The following LRP1B variants were observed in gnomAD, a reference collection of about 807,000 sequenced individuals.
LRP1B encodes the protein LDL receptor related protein 1B.
LRP1B carries 217 observed loss-of-function variants against 556.6 expected under a neutral mutation model. The ratio of observed to expected loss-of-function variants is 0.39; its 90% CI spans 0.35 to 0.44. The LOEUF (loss-of-function observed/expected upper bound fraction) is 0.44. Ranked by LOEUF, LRP1B falls within the 20% of genes least tolerant of loss-of-function variation. The pLI, the probability that LRP1B is intolerant of heterozygous loss-of-function variation, is 1.00. For missense variants in LRP1B, 5,053 were observed against 5,620.8 expected (o/e 0.90, Z 3.23); for synonymous variants, 2,047 against 1,865.8 (o/e 1.10, Z -2.50).
chr2:141,733,564 C>T (rs985788176), intron 2 of LRP1B, among the ~76,000 whole-genome samples: 4 of 152,194 alleles, frequency 2.6e-5, no homozygotes, highest in Non-Finnish European at 4.4e-5. Context: ...AATGTCTCCC[C>T]GCTGCCTACA....
chr2:140,721,186 T>C (rs959778178), intron 35 of LRP1B, among the ~76,000 whole-genome samples: 1 of 152,186 alleles, frequency 6.6e-6, no homozygotes, highest in Non-Finnish European at 1.5e-5. Context: ...AATATCTCAA[T>C]GTATGGTCCA....
intron 1 of LRP1B, among the ~76,000 whole-genome samples, chr2:141,831,907 C>A (rs1374115307): frequency 8.6e-5 from 13 of 151,678 alleles, no homozygotes; most frequent in African/African-American, 3.1e-4. Flanking sequence ...ATTGCTCAAG[C>A]CTCACTGTTC....
intron 2 of LRP1B, among the ~76,000 whole-genome samples, chr2:141,628,011 G>A (rs1472854283): frequency 6.6e-6 from 1 of 152,136 alleles, no homozygotes; most frequent in African/African-American, 2.4e-5. Context: ...ATACTATGTG[G>A]AAAAATTTGA....
Position 141,153,568 on chromosome 2 carries a change from TATA to T in LRP1B, c.1013+34850_1013+34852del, listed in dbSNP as rs1237768762. ...TATATATTAGCTATATATATTTATA[TATA>T]ATAATATATTATATATTAGCTATAT... On this transcript the variant is annotated intron_variant, in intron 7 of 90. Coordinates refer to ENST00000389484, the MANE Select transcript of LRP1B (RefSeq NM_018557.3). 6.2e-4 allele frequency among the ~76,000 whole-genome samples: 82 copies of T among 131,656 alleles called. No homozygotes were observed. The South Asian group carries it at 6.5e-3, about 10-fold the overall frequency. 86.4% of individuals were successfully genotyped at this position (131,656 alleles called of 152,430 possible).
intron 3 of LRP1B, among the ~76,000 whole-genome samples, chr2:141,260,920 T>C (rs1684657971): frequency 6.6e-6 from 1 of 152,148 alleles, no homozygotes. Flanking sequence ...ATTAGGTGTG[T>C]GCAAAAATGC....
intron 29 of LRP1B, among the ~76,000 whole-genome samples, chr2:140,847,033 T>C (rs146137115): frequency 0.012 from 1,780 of 152,352 alleles, 29 homozygotes; most frequent in Admixed American, 0.043. Context: ...TCAAACTTTA[T>C]GTCCAATTGA....
chr2:141,200,229 GAAAACTATGTAGCCACAAAAAAACA>G lies in LRP1B; in HGVS notation c.851-11671_851-11647del, dbSNP rs575293586. ...GGAAATATAGTACATATACACCAAA[GAAAACTATGTAGCCACAAAAAAACA>G]AAACAAAAAACCAAGATCATATCCT... On this transcript the variant is annotated intron_variant, in intron 6 of 90. Coordinates refer to ENST00000389484, the MANE Select transcript of LRP1B (RefSeq NM_018557.3). Among the ~76,000 whole-genome samples the G allele has an allele frequency of 2.7e-3, 415 of 152,180 alleles. 1 individual carries two copies. The highest frequency in any genetic ancestry group is 9.5e-3 in the African/African-American group (395 of 41,536).
At chr2:141,087,334 T>A (rs547832368) in intron 7 of LRP1B, among the ~76,000 whole-genome samples, 2 of 152,144 alleles carry the variant, frequency 1.3e-5, no homozygotes, top group Non-Finnish European at 2.9e-5. Context: ...TACATGGCGG[T>A]CCTACCAAGA....
chr2:141,648,180 G>A (rs1042770490), intron 2 of LRP1B, among the ~76,000 whole-genome samples: 1 of 152,120 alleles, frequency 6.6e-6, no homozygotes, highest in Non-Finnish European at 1.5e-5. Context: ...TATTGGGATA[G>A]TACAAAGAGG....
rs900535478 is a variant in LRP1B, at chr2:141,735,846, T to C, written c.205+74433A>G. On this transcript the variant is annotated intron_variant, in intron 2 of 90. Coordinates refer to ENST00000389484, the MANE Select transcript of LRP1B (RefSeq NM_018557.3). The stretch of plus-strand genomic sequence containing the variant: ...TAGCTGCTGACTCAGAAGGCCAAGA[T>C]GGTGCTTAAACATAGGAGCTGTTTG... Among the ~76,000 whole-genome samples, 3 of 152,210 alleles carry C rather than the reference T, an allele frequency of 2.0e-5. No individual in the cohort carries two copies. The South Asian group carries it at 6.2e-4, about 32-fold the overall frequency.
intron 18 of LRP1B, among the ~76,000 whole-genome samples, chr2:140,979,499 C>T (rs575950177): frequency 2.6e-5 from 4 of 152,056 alleles, no homozygotes; most frequent in African/African-American, 7.2e-5. Flanking sequence ...ATAATACATA[C>T]TAGTGTGTTA....
intron 1 of LRP1B, among the ~76,000 whole-genome samples, chr2:141,999,773 T>A (rs887661542): frequency 6.6e-6 from 1 of 151,920 alleles, no homozygotes; most frequent in South Asian, 2.1e-4. Context: ...TGAAAACCAA[T>A]TCTATGCTTT....
intron 7 of LRP1B, among the ~76,000 whole-genome samples, chr2:141,112,965 G>T (rs1316205280): frequency 2.6e-5 from 4 of 152,054 alleles, no homozygotes; most frequent in Non-Finnish European, 4.4e-5. Context: ...TAAAATTATA[G>T]GCTGATACAG....
chr2:141,439,507 T>C (rs777808624), intron 3 of LRP1B, among the ~76,000 whole-genome samples: 1 of 151,952 alleles, frequency 6.6e-6, no homozygotes, highest in Non-Finnish European at 1.5e-5. Flanking sequence ...TAATAACACA[T>C]AAAACTGCAG....
chr2:140,828,167 A>G (rs1573772322), intron 31 of LRP1B, among the ~76,000 whole-genome samples: 1 of 152,332 alleles, frequency 6.6e-6, no homozygotes, highest in East Asian at 1.9e-4. Flanking sequence ...TACAAAAAGA[A>G]AACAATTGAA....
At chr2:140,542,936 A>C (rs1271880899) in intron 43 of LRP1B, among the ~76,000 whole-genome samples, 1 of 152,154 alleles carries the variant, frequency 6.6e-6, no homozygotes, top group Middle Eastern at 3.2e-3. Context: ...AGAGTCCCCA[A>C]GTTCACACGG....
At chr2:140,884,724 T>C (rs1201044251) in intron 24 of LRP1B, among the ~76,000 whole-genome samples, 2 of 152,196 alleles carry the variant, frequency 1.3e-5, no homozygotes, top group East Asian at 1.9e-4. Flanking sequence ...TTTTTTCTAC[T>C]TTTTGAGACA....
At chr2:142,031,133 TTC>T (rs1254578264) in intron 1 of LRP1B, among the ~76,000 whole-genome samples, 1 of 151,842 alleles carries the variant, frequency 6.6e-6, no homozygotes, top group Non-Finnish European at 1.5e-5. Context: ...TTTATTATGT[TTC>T]TGTGTTAACT....
intron 3 of LRP1B, among the ~76,000 whole-genome samples, chr2:141,455,974 T>A (rs1362948404): frequency 1.3e-5 from 2 of 152,136 alleles, no homozygotes; most frequent in Admixed American, 1.3e-4. Context: ...AAAATCAAGG[T>A]TTGAGGCTCC....
Sources: gnomAD v4.1 joint callset for allele counts (sites outside exome capture counted in the v4.1 genomes callset) on GRCh38, gnomAD v4.1.1 for gene constraint, MANE v1.5 for transcripts, NCBI Gene and HGNC (gene_info 2026-07-23, HGNC 2026-07-21) for gene names.